The following EPHA6 variants were observed in gnomAD, a reference collection of about 807,000 sequenced individuals.
EPHA6 encodes EPH receptor A6, also known as ephrin type-A receptor 6.
EPHA6 carries 50 observed loss-of-function variants against 112.0 expected under a neutral mutation model. The observed-to-expected ratio is 0.45, with a 90% confidence interval of 0.36 to 0.56. The LOEUF is 0.56. Among genes scored for constraint, EPHA6 ranks in the 20% least tolerant of loss-of-function variants. The probability of loss-of-function intolerance (pLI) is 0.00; values close to 1 mark genes in which losing one functional copy is unlikely to be tolerated. For missense variants in EPHA6, 1,280 were observed against 1,417.4 expected (o/e 0.90, Z 1.56); for synonymous variants, 529 against 490.7 (o/e 1.08, Z -1.03).
At chr3:97,527,125 C>G (rs750433884) in intron 10 of EPHA6, among the ~76,000 whole-genome samples, 3 of 152,112 alleles carry the variant, frequency 2.0e-5, no homozygotes, top group Non-Finnish European at 4.4e-5. Flanking sequence ...TGGCAAGAAG[C>G]AGATGGGTCT....
At chr3:96,924,669 T>C (rs1359070371) in intron 2 of EPHA6, among the ~76,000 whole-genome samples, 2 of 152,156 alleles carry the variant, frequency 1.3e-5, no homozygotes, top group African/African-American at 4.8e-5. Context: ...CTTCCAGTAC[T>C]ATGTAGAATA....
intron 11 of EPHA6, among the ~76,000 whole-genome samples, chr3:97,542,430 T>A (rs905960480): frequency 1.3e-5 from 2 of 152,208 alleles, no homozygotes; most frequent in Non-Finnish European, 2.9e-5. Flanking sequence ...GAACTCATCA[T>A]TTTTTATGGC....
chr3:96,921,840 T>G (rs913939431), intron 2 of EPHA6, among the ~76,000 whole-genome samples: 9 of 152,162 alleles, frequency 5.9e-5, no homozygotes, highest in African/African-American at 2.2e-4. Context: ...AATGCTGTGA[T>G]GTCAAGCATG....
intron 3 of EPHA6, among the ~76,000 whole-genome samples, chr3:97,006,563 G>A (rs548538208): frequency 1.3e-5 from 2 of 151,904 alleles, no homozygotes; most frequent in South Asian, 4.2e-4. Flanking sequence ...ACAGCTCCTG[G>A]ATTCGTTGAT....
intron 5 of EPHA6, among the ~76,000 whole-genome samples, chr3:97,375,940 G>A (rs1295306468): frequency 3.3e-5 from 5 of 152,072 alleles, no homozygotes; most frequent in African/African-American, 1.2e-4. Flanking sequence ...GATTACAAAT[G>A]GGACAAGCCT....
chr3:97,285,423 C>A (rs1369949253), intron 5 of EPHA6, among the ~76,000 whole-genome samples: 1 of 152,078 alleles, frequency 6.6e-6, no homozygotes, highest in African/African-American at 2.4e-5. Context: ...TACTCTCTAC[C>A]TCCATGAGAT....
At chr3:97,392,045 C>G (rs1264596015) in intron 5 of EPHA6, among the ~76,000 whole-genome samples, 1 of 151,826 alleles carries the variant, frequency 6.6e-6, no homozygotes, top group African/African-American at 2.4e-5. Flanking sequence ...GGTCTTTTAG[C>G]TAGCTGCCAC....
chr3:96,924,714 G>A (rs1382864356), intron 2 of EPHA6, among the ~76,000 whole-genome samples: 1 of 151,972 alleles, frequency 6.6e-6, no homozygotes, highest in Non-Finnish European at 1.5e-5. Flanking sequence ...GTCTTGTGAT[G>A]GTATTCAAGG....
intron 2 of EPHA6, among the ~76,000 whole-genome samples, chr3:96,967,321 T>A (rs954320244): frequency 6.6e-6 from 1 of 150,696 alleles, no homozygotes; most frequent in Non-Finnish European, 1.5e-5. Flanking sequence ...CTGTATGTTT[T>A]AAAAATTATT....
Position 97,056,262 on chromosome 3 carries a change from T to A in EPHA6, c.1114+68269T>A, listed in dbSNP as rs181205366. Among the ~76,000 whole-genome samples the A allele has an allele frequency of 2.0e-5, 3 of 152,274 alleles. 1 individual carries two copies. The highest frequency in any genetic ancestry group is 4.4e-5 in the Non-Finnish European group (3 of 68,026). On this transcript the variant is annotated intron_variant, in intron 3 of 17. Coordinates refer to ENST00000389672, the MANE Select transcript of EPHA6 (RefSeq NM_001080448.3). ...GTGTCTGAAAGTCACAATTTACACT[T>A]GCTATGCGAACATACTTATTCATAC...
At chr3:97,327,160 T>C (rs761245122) in intron 5 of EPHA6, among the ~76,000 whole-genome samples, 12 of 151,932 alleles carry the variant, frequency 7.9e-5, no homozygotes, top group Non-Finnish European at 1.8e-4. Context: ...CTGAAAGTGA[T>C]AAACAGTAAA....
chr3:97,391,296 G>T (rs1158935367), intron 5 of EPHA6, among the ~76,000 whole-genome samples: 2 of 151,828 alleles, frequency 1.3e-5, no homozygotes. Context: ...TAAACATTTT[G>T]AATATAAAAG....
intron 5 of EPHA6, among the ~76,000 whole-genome samples, chr3:97,301,994 A>G (rs1460614788): frequency 2.0e-5 from 3 of 152,050 alleles, no homozygotes; most frequent in Non-Finnish European, 4.4e-5. Flanking sequence ...TAACTTGTGT[A>G]TGCGTAGTAC....
intron 3 of EPHA6, among the ~76,000 whole-genome samples, chr3:97,031,020 G>T (rs1340057851): frequency 1.3e-5 from 2 of 151,928 alleles, no homozygotes; most frequent in African/African-American, 4.8e-5. Flanking sequence ...AAGTTATTCA[G>T]GGGAGGAGTG....
At chr3:97,095,389 C>G (rs1290713440) in intron 3 of EPHA6, among the ~76,000 whole-genome samples, 1 of 151,892 alleles carries the variant, frequency 6.6e-6, no homozygotes, top group South Asian at 2.1e-4. Flanking sequence ...CAACATGGCA[C>G]ATGTATACAT....
chr3:97,545,831 T>G (rs2092937734), intron 11 of EPHA6, among the ~76,000 whole-genome samples: 2 of 152,166 alleles, frequency 1.3e-5, no homozygotes, highest in African/African-American at 4.8e-5. Flanking sequence ...GGCCTTCTTT[T>G]TCTCCTTTGA....
At chr3:97,091,924 C>CACCA (rs2047078622) in intron 3 of EPHA6, among the ~76,000 whole-genome samples, 3 of 151,564 alleles carry the variant, frequency 2.0e-5, no homozygotes, top group African/African-American at 7.3e-5. Context: ...AGTATCTGGC[C>CACCA]TGAACATTTG....
chr3:97,195,510 G>A, intron 3 of EPHA6, among the ~76,000 whole-genome samples: 1 of 151,988 alleles, frequency 6.6e-6, no homozygotes, highest in South Asian at 2.1e-4. Flanking sequence ...CTAGTCAAGA[G>A]ATGAGTAGTT....
intron 3 of EPHA6, among the ~76,000 whole-genome samples, chr3:97,018,541 G>A (rs2044343358): frequency 6.6e-6 from 1 of 152,202 alleles, no homozygotes; most frequent in Non-Finnish European, 1.5e-5. Flanking sequence ...CTGCCTGGCA[G>A]CTGAGGCAGA....
Sources: allele counts gnomAD v4.1 joint callset (sites outside exome capture counted in the v4.1 genomes callset), GRCh38; gene constraint gnomAD v4.1.1; transcripts MANE v1.5; gene names NCBI Gene and HGNC (gene_info 2026-07-23, HGNC 2026-07-21).